Variants in CSNK1G1 observed in about 807,000 individuals in gnomAD.
The protein encoded by CSNK1G1 is casein kinase I isoform gamma-1.
Under a neutral mutation model 59.6 loss-of-function variants are expected in CSNK1G1, and 22 were observed. The ratio of observed to expected loss-of-function variants is 0.37; its 90% confidence interval spans 0.26 to 0.53. The LOEUF (loss-of-function observed/expected upper bound fraction) is 0.53, where lower values mean the gene tolerates loss of function less well. Among genes scored for constraint, CSNK1G1 ranks in the 20% least tolerant of loss-of-function variants. CSNK1G1 has a pLI of 0.89. For missense variants in CSNK1G1, 384 were observed against 519.5 expected (o/e 0.74, Z 2.54); for synonymous variants, 179 against 177.1 (o/e 1.01, Z -0.08).
intron 1 of CSNK1G1, among the ~76,000 whole-genome samples, chr15:64,319,372 T>C (rs148713116): frequency 5.9e-5 from 9 of 152,188 alleles, no homozygotes; most frequent in African/African-American, 2.2e-4. Flanking sequence ...ACGCATCTAC[T>C]CTCAAAGGAT....
chr15:64,321,992 T>C (rs540287853), intron 1 of CSNK1G1, among the ~76,000 whole-genome samples: 2 of 152,384 alleles, frequency 1.3e-5, no homozygotes, highest in African/African-American at 4.8e-5. Context: ...CATTTTACTG[T>C]ATTTTTTCTT....
intron 1 of CSNK1G1, among the ~76,000 whole-genome samples, chr15:64,340,171 G>C (rs1272285503): frequency 2.0e-5 from 3 of 151,936 alleles, no homozygotes; most frequent in Non-Finnish European, 4.4e-5. Context: ...GAGATTTTCA[G>C]GGCTACTTTG....
chr15:64,331,835 A>G (rs1897125483), intron 1 of CSNK1G1, among the ~76,000 whole-genome samples: 1 of 150,122 alleles, frequency 6.7e-6, no homozygotes, highest in Non-Finnish European at 1.5e-5. Flanking sequence ...TTACAAGAAA[A>G]AAACAACCCC....
At chr15:64,191,829 C>A (rs760397101) in intron 10 of CSNK1G1, among the ~76,000 whole-genome samples, 2 of 152,140 alleles carry the variant, frequency 1.3e-5, no homozygotes, top group Non-Finnish European at 2.9e-5. Flanking sequence ...AGATGTGAAC[C>A]TAGGGGTTGC....
chr15:64,317,887 A>C (rs1596269525), intron 1 of CSNK1G1, among the ~76,000 whole-genome samples: 1 of 152,118 alleles, frequency 6.6e-6, no homozygotes, highest in South Asian at 2.1e-4. Context: ...ATTTTTCTTG[A>C]GTTTACCTGG....
chr15:64,235,597 C>G (rs565206204), intron 4 of CSNK1G1, among the ~76,000 whole-genome samples: 61 of 152,118 alleles, frequency 4.0e-4, no homozygotes, highest in Non-Finnish European at 8.2e-4. Context: ...ATAGCAGAAG[C>G]AGAAAGAGTC....
intron 10 of CSNK1G1, among the ~76,000 whole-genome samples, chr15:64,189,024 G>A (rs2081935391): frequency 6.6e-6 from 1 of 152,150 alleles, no homozygotes; most frequent in South Asian, 2.1e-4. Flanking sequence ...TACTCGGGAG[G>A]CTGAAGCAGG....
intron 1 of CSNK1G1, among the ~76,000 whole-genome samples, chr15:64,306,338 A>G (rs1895683455): frequency 6.6e-6 from 1 of 152,252 alleles, no homozygotes; most frequent in Non-Finnish European, 1.5e-5. Context: ...TATTTGAATC[A>G]GACGTCTCTT....
intron 2 of CSNK1G1, among the ~76,000 whole-genome samples, chr15:64,296,496 G>C (rs899323551): frequency 6.6e-6 from 1 of 152,166 alleles, no homozygotes; most frequent in African/African-American, 2.4e-5. Context: ...TATTTGTAGA[G>C]ACAAAAACTA....
At chr15:64,284,961 T>G (rs555571448) in intron 2 of CSNK1G1, among the ~76,000 whole-genome samples, 4 of 152,078 alleles carry the variant, frequency 2.6e-5, no homozygotes, top group African/African-American at 9.7e-5. Context: ...CCTTGACTCC[T>G]CAATACAAAT....
chr15:64,332,530 G>T lies in CSNK1G1; in HGVS notation c.-225+23458C>A, dbSNP rs1315677519. 2.1e-5 allele frequency among the ~76,000 whole-genome samples: 2 copies of T among 95,506 alleles called. 1 individual carries two copies. The highest frequency in any genetic ancestry group is 7.8e-5 in the African/African-American group (2 of 25,750). The allele number at this position is 95,506 out of a possible 152,430, so 62.7% of individuals were successfully genotyped here. A position where few individuals can be genotyped will look rare whatever the true frequency, so the allele number is the denominator to read the frequency against. On this transcript the variant is annotated intron_variant, in intron 1 of 11. Coordinates refer to ENST00000303052, the MANE Select transcript of CSNK1G1 (RefSeq NM_022048.5). The stretch of plus-strand genomic sequence containing the variant: ...CACACTCTGGGGACTGTGATGGGGT[G>T]GGGGGAGGGGGGAGGGATAGCATTG...
chr15:64,168,760 TGAG>T lies in CSNK1G1; in HGVS notation c.*3168_*3170del, dbSNP rs1246541481. 6.6e-6 allele frequency: 1 copy of T among 152,124 alleles called. No homozygotes were observed. The highest frequency in any genetic ancestry group is 1.5e-5 in the Non-Finnish European group (1 of 68,008). The allele number at this position is 152,124 out of a possible 1,614,324, so 9.4% of individuals were successfully genotyped here. On this transcript the variant is annotated 3_prime_UTR_variant, in exon 12 of 12. Coordinates refer to ENST00000303052, the MANE Select transcript of CSNK1G1 (RefSeq NM_022048.5). ...AGCTAAGGAACTGTAGCAGTAGGGT[TGAG>T]GAGGGAGCCCTGATTCGCTGATGGG... is the stretch of plus-strand genomic sequence containing the variant.
intron 1 of CSNK1G1, among the ~76,000 whole-genome samples, chr15:64,345,366 T>C (rs769545182): frequency 1.3e-5 from 2 of 152,204 alleles, no homozygotes; most frequent in East Asian, 1.9e-4. Context: ...AGCTTCTAGA[T>C]AGTCTTCAAC....
At chr15:64,269,068 A>G (rs939732965) in intron 2 of CSNK1G1, among the ~76,000 whole-genome samples, 1 of 137,886 alleles carries the variant, frequency 7.3e-6, no homozygotes, top group African/African-American at 2.5e-5. Context: ...CTGATTCACC[A>G]AAAAAAAAGG....
chr15:64,213,717 G>A (rs750129516), intron 6 of CSNK1G1, among the ~76,000 whole-genome samples, 173 bp downstream of exon 6: 35 of 152,144 alleles, frequency 2.3e-4, no homozygotes, highest in Admixed American at 8.5e-4. Flanking sequence ...ATAGTCTATA[G>A]GATTCTTTGA....
intron 2 of CSNK1G1, among the ~76,000 whole-genome samples, chr15:64,300,096 G>A (rs1186958679): frequency 6.6e-6 from 1 of 152,120 alleles, no homozygotes; most frequent in African/African-American, 2.4e-5. Context: ...CTCAGAACTG[G>A]TAGAAAACTT....
At chr15:64,243,416 G>T (rs1387330010) in intron 4 of CSNK1G1, among the ~76,000 whole-genome samples, 1 of 151,884 alleles carries the variant, frequency 6.6e-6, no homozygotes, top group East Asian at 1.9e-4. Context: ...TGTAACAAAG[G>T]TCATATAGGA....
At position 64,167,517 on chromosome 15, in the gene CSNK1G1, T is replaced by C. The variant is rs147343710; in HGVS notation, c.*4414A>G. The C allele has an allele frequency of 5.2e-4, 80 of 152,760 alleles. No homozygotes were observed. The highest frequency in any genetic ancestry group is 1.9e-3 in the African/African-American group (80 of 41,564). 9.5% of individuals were successfully genotyped at this position (152,760 alleles called of 1,614,324 possible). A position where few individuals can be genotyped will look rare whatever the true frequency, so the allele number is the denominator to read the frequency against. ...ACTTACGTGGCCAATTCAGATGGGT[T>C]GCCTAATTATCCTGGCTCCCTGAGG... On this transcript the variant is annotated 3_prime_UTR_variant, in exon 12 of 12. Coordinates refer to ENST00000303052, the MANE Select transcript of CSNK1G1 (RefSeq NM_022048.5).
At chr15:64,222,141 C>G (rs1343711772) in intron 4 of CSNK1G1, among the ~76,000 whole-genome samples, 1 of 151,950 alleles carries the variant, frequency 6.6e-6, no homozygotes, top group Non-Finnish European at 1.5e-5. Context: ...ATGAATGAAG[C>G]TGGAAGCCAT....
Sources: gnomAD v4.1 joint callset for allele counts (sites outside exome capture counted in the v4.1 genomes callset) on GRCh38, gnomAD v4.1.1 for gene constraint, MANE v1.5 for transcripts, NCBI Gene and HGNC (gene_info 2026-07-23, HGNC 2026-07-21) for gene names.